Variants in UBTD1 observed in about 807,000 individuals in gnomAD.
The protein encoded by UBTD1 is ubiquitin domain containing 1.
In UBTD1, 19 loss-of-function variants were observed where a neutral mutation model predicts 21.7. That is an observed-to-expected ratio of 0.87 (90% CI 0.61 to 1.28). UBTD1 has a LOEUF of 1.28. UBTD1 is among the 50% of genes most tolerant of loss of function. The pLI, the probability that UBTD1 is intolerant of heterozygous loss-of-function variation, is 0.00. For synonymous variants in UBTD1, 116 were observed against 135.1 expected (o/e 0.86, Z 0.98); for missense variants, 282 against 315.1 (o/e 0.89, Z 0.80).
intron 1 of UBTD1, among the ~76,000 whole-genome samples, chr10:97,524,716 AG>A (rs2040480778): frequency 6.6e-6 from 1 of 152,152 alleles, no homozygotes. Context: ...AGACCAAGTG[AG>A]GGGGCAGCTC....
intron 1 of UBTD1, among the ~76,000 whole-genome samples, chr10:97,512,478 C>T (rs1391328104): frequency 6.6e-6 from 1 of 152,176 alleles, no homozygotes; most frequent in Non-Finnish European, 1.5e-5. Context: ...CTTATTTGGC[C>T]ATAACTTATT....
At chr10:97,556,171 A>G (rs1232996308) in intron 1 of UBTD1, among the ~76,000 whole-genome samples, 1 of 152,194 alleles carries the variant, frequency 6.6e-6, no homozygotes, top group African/African-American at 2.4e-5. Flanking sequence ...TCTTATTATA[A>G]GAGTTTTAAA....
intron 1 of UBTD1, among the ~76,000 whole-genome samples, chr10:97,558,060 G>A (rs1184076674): frequency 6.6e-6 from 1 of 152,062 alleles, no homozygotes; most frequent in African/African-American, 2.4e-5. Flanking sequence ...CAGCTTCTGG[G>A]TGTGACTGGA....
intron 1 of UBTD1, among the ~76,000 whole-genome samples, chr10:97,547,647 C>T (rs1408745010): frequency 6.6e-6 from 1 of 152,178 alleles, no homozygotes; most frequent in Non-Finnish European, 1.5e-5. Flanking sequence ...TCACTGCAAC[C>T]TCCACCTCCT....
At chr10:97,527,982 G>A (rs930156610) in intron 1 of UBTD1, among the ~76,000 whole-genome samples, 5 of 151,998 alleles carry the variant, frequency 3.3e-5, no homozygotes, top group African/African-American at 1.2e-4. Context: ...CAGACGGGGT[G>A]GTGGCCGGGC....
At chr10:97,520,456 C>T (rs1286982075) in intron 1 of UBTD1, among the ~76,000 whole-genome samples, 1 of 152,186 alleles carries the variant, frequency 6.6e-6, no homozygotes, top group East Asian at 1.9e-4. Context: ...GTCCTTCCCT[C>T]CCAGGTCCCA....
intron 1 of UBTD1, among the ~76,000 whole-genome samples, chr10:97,530,988 T>C (rs904651906): frequency 4.6e-5 from 7 of 151,738 alleles, no homozygotes; most frequent in Admixed American, 1.3e-4. Flanking sequence ...CCTGGGTTCA[T>C]GCCATTCTCC....
chr10:97,545,996 G>C (rs1001220120), intron 1 of UBTD1, among the ~76,000 whole-genome samples: 14 of 152,108 alleles, frequency 9.2e-5, no homozygotes, highest in Non-Finnish European at 1.6e-4. Flanking sequence ...TGTTTGCCAG[G>C]CTGGTCTCAA....
At chr10:97,542,207 G>A (rs2040590322) in intron 1 of UBTD1, among the ~76,000 whole-genome samples, 1 of 152,192 alleles carries the variant, frequency 6.6e-6, no homozygotes, top group South Asian at 2.1e-4. Flanking sequence ...CCTGCATCTG[G>A]CGGTGGGCAG....
chr10:97,535,969 A>ATTATTATTATTATTATTATTG (rs1288214729), intron 1 of UBTD1, among the ~76,000 whole-genome samples: 6,173 of 48,612 alleles, frequency 0.13, 174 homozygotes, highest in South Asian at 0.22. Flanking sequence ...TTGGAGAGAA[A>ATTATTATTATTATTATTATTG]TTATTATTAT....
At chr10:97,546,197 G>A (rs765872970) in intron 1 of UBTD1, among the ~76,000 whole-genome samples, 1 of 152,172 alleles carries the variant, frequency 6.6e-6, no homozygotes, top group African/African-American at 2.4e-5. Flanking sequence ...CCCCAGCTGG[G>A]GTGACTGTGG....
rs1196713280 is a variant in UBTD1 at position 97,528,081 on chromosome 10, C to T, written c.70+28808C>T. Among the ~76,000 whole-genome samples the T allele has an allele frequency of 2.6e-5, 3 of 115,740 alleles. 1 individual carries two copies. Among genetic ancestry groups the T allele is most frequent in the Admixed American group, 1.6e-4 (2 of 12,172 alleles). 75.9% of individuals were successfully genotyped at this position (115,740 alleles called of 152,430 possible). A position where few individuals can be genotyped will look rare whatever the true frequency, so the allele number is the denominator to read the frequency against. On this transcript the variant is annotated intron_variant, in intron 1 of 2. Coordinates refer to ENST00000370664, the MANE Select transcript of UBTD1 (RefSeq NM_024954.5). ...GGCGGCTGGCTGGGCGGGGGGCTGA[C>T]TCCCCCACCTCCCTCCCGGACGGGG...
At chr10:97,557,730 TTTA>T (rs2040671519) in intron 1 of UBTD1, among the ~76,000 whole-genome samples, 1 of 152,200 alleles carries the variant, frequency 6.6e-6, no homozygotes, top group South Asian at 2.1e-4. Context: ...AGTCCTTAAT[TTTA>T]TTTTAAAAAC....
intron 1 of UBTD1, among the ~76,000 whole-genome samples, chr10:97,514,745 A>G (rs1411185335): frequency 6.6e-6 from 1 of 152,074 alleles, no homozygotes. Flanking sequence ...TGGGAGGGGA[A>G]TTTTGCACCG....
At chr10:97,524,463 C>T (rs1263719326) in intron 1 of UBTD1, among the ~76,000 whole-genome samples, 1 of 152,144 alleles carries the variant, frequency 6.6e-6, no homozygotes, top group Non-Finnish European at 1.5e-5. Flanking sequence ...TCCTGATACT[C>T]CCAAATCGTA....
chr10:97,559,094 TAA>T (rs1299537391), intron 1 of UBTD1, among the ~76,000 whole-genome samples: 1 of 152,160 alleles, frequency 6.6e-6, no homozygotes, highest in African/African-American at 2.4e-5. Flanking sequence ...CACGGAATGC[TAA>T]GTCTCCTCCC....
intron 1 of UBTD1, among the ~76,000 whole-genome samples, chr10:97,544,368 A>G (rs1368377967): frequency 6.6e-6 from 1 of 151,984 alleles, no homozygotes; most frequent in African/African-American, 2.4e-5. Context: ...AAAGTGTCAG[A>G]TAACTCCACT....
At chr10:97,506,139 G>C (rs552930351) in intron 1 of UBTD1, among the ~76,000 whole-genome samples, 2 of 152,322 alleles carry the variant, frequency 1.3e-5, no homozygotes, top group Non-Finnish European at 2.9e-5. Flanking sequence ...GACCTGGGGT[G>C]GGGGAGGGAC....
chr10:97,528,539 T>C (rs1589873085), intron 1 of UBTD1, among the ~76,000 whole-genome samples: 1 of 71,794 alleles, frequency 1.4e-5, no homozygotes, highest in Non-Finnish European at 2.9e-5. Context: ...ACCCCCAACC[T>C]CCCTCCCGGA....
Sources: gnomAD v4.1 joint callset for allele counts (sites outside exome capture counted in the v4.1 genomes callset) on GRCh38, gnomAD v4.1.1 for gene constraint, MANE v1.5 for transcripts, NCBI Gene and HGNC (gene_info 2026-07-23, HGNC 2026-07-21) for gene names.